EPHA3: variants seen among roughly 807,000 people sequenced by gnomAD.
The protein encoded by EPHA3 is ephrin type-A receptor 3.
A neutral mutation model predicts 107.1 loss-of-function variants in EPHA3; 42 were observed. The ratio of observed to expected loss-of-function variants is 0.39; its 90% CI spans 0.31 to 0.51. The LOEUF is 0.51. Ranked by LOEUF, EPHA3 falls within the 20% of genes least tolerant of loss-of-function variation. The pLI, the probability that EPHA3 is intolerant of heterozygous loss-of-function variation, is 0.78. For synonymous variants in EPHA3, 461 were observed against 424.8 expected (o/e 1.09, Z -1.05); for missense variants, 1,183 against 1,211.2 (o/e 0.98, Z 0.35).
chr3:89,382,953 C>T (rs1440850037), intron 5 of EPHA3, among the ~76,000 whole-genome samples: 1 of 152,030 alleles, frequency 6.6e-6, no homozygotes, highest in African/African-American at 2.4e-5. Flanking sequence ...ATCAGGAATA[C>T]AAAAAGAAGA....
intron 2 of EPHA3, among the ~76,000 whole-genome samples, chr3:89,144,007 T>C (rs1345822573): frequency 6.6e-6 from 1 of 151,618 alleles, no homozygotes; most frequent in African/African-American, 2.4e-5. Context: ...CCCCCACAGT[T>C]TCCTCCATAA....
intron 3 of EPHA3, among the ~76,000 whole-genome samples, chr3:89,330,237 T>TA (rs1707256192): frequency 6.6e-6 from 1 of 151,900 alleles, no homozygotes; most frequent in South Asian, 2.1e-4. Flanking sequence ...TAAAAATAAA[T>TA]AAAAAACAGA....
At chr3:89,171,642 G>A (rs775566397) in intron 2 of EPHA3, among the ~76,000 whole-genome samples, 3 of 152,082 alleles carry the variant, frequency 2.0e-5, no homozygotes, top group Non-Finnish European at 2.9e-5. Flanking sequence ...TTGCTTTAGG[G>A]TACAACTTCA....
At chr3:89,188,269 C>A (rs1241825103) in intron 2 of EPHA3, among the ~76,000 whole-genome samples, 1 of 152,140 alleles carries the variant, frequency 6.6e-6, no homozygotes, top group Non-Finnish European at 1.5e-5. Flanking sequence ...CTATCATAGG[C>A]ACGTGAATGA....
intron 2 of EPHA3, among the ~76,000 whole-genome samples, chr3:89,132,491 T>A (rs1306922576): frequency 6.6e-6 from 1 of 152,168 alleles, no homozygotes; most frequent in African/African-American, 2.4e-5. Context: ...AATAGAGTAG[T>A]AAAACAGGTT....
intron 15 of EPHA3, among the ~76,000 whole-genome samples, chr3:89,451,094 G>C (rs2107556329): frequency 6.6e-6 from 1 of 152,212 alleles, no homozygotes; most frequent in South Asian, 2.1e-4. Flanking sequence ...CAATTACTTT[G>C]CTAGACACCA....
At chr3:89,301,677 A>T (rs1392752182) in intron 3 of EPHA3, among the ~76,000 whole-genome samples, 1 of 152,164 alleles carries the variant, frequency 6.6e-6, no homozygotes, top group African/African-American at 2.4e-5. Flanking sequence ...AGAGTTAAGC[A>T]TACAATATCA....
intron 13 of EPHA3, among the ~76,000 whole-genome samples, chr3:89,444,795 A>G (rs931971271): frequency 6.6e-6 from 1 of 152,138 alleles, no homozygotes; most frequent in African/African-American, 2.4e-5. Context: ...TCAATGATGG[A>G]TGGCATCATT....
chr3:89,190,565 G>A (rs866050429), intron 2 of EPHA3, among the ~76,000 whole-genome samples: 1 of 152,020 alleles, frequency 6.6e-6, no homozygotes, highest in South Asian at 2.1e-4. Context: ...CAGGCTGGAA[G>A]TGTGAAATCA....
At chr3:89,353,491 T>C (rs1707877248) in intron 5 of EPHA3, among the ~76,000 whole-genome samples, 1 of 151,356 alleles carries the variant, frequency 6.6e-6, no homozygotes, top group Non-Finnish European at 1.5e-5. Context: ...CGTCTGAATT[T>C]GGCCCTGAGA....
intron 3 of EPHA3, among the ~76,000 whole-genome samples, chr3:89,242,299 G>GAA (rs1704915486): frequency 6.6e-6 from 1 of 152,186 alleles, no homozygotes; most frequent in South Asian, 2.1e-4. Flanking sequence ...ATCATGTCTT[G>GAA]GGAGATACAC....
At chr3:89,381,278 C>G (rs997546165) in intron 5 of EPHA3, among the ~76,000 whole-genome samples, 1 of 151,942 alleles carries the variant, frequency 6.6e-6, no homozygotes, top group Admixed American at 6.6e-5. Context: ...GGCCTATAGG[C>G]TGGTTTTAAA....
intron 3 of EPHA3, among the ~76,000 whole-genome samples, chr3:89,339,741 G>A (rs1707475081): frequency 1.3e-5 from 2 of 152,232 alleles, no homozygotes; most frequent in African/African-American, 2.4e-5. Flanking sequence ...TTCACAATAT[G>A]AAGTTAATAT....
At chr3:89,474,146 C>G (rs1252000594) in intron 16 of EPHA3, among the ~76,000 whole-genome samples, 2 of 151,842 alleles carry the variant, frequency 1.3e-5, no homozygotes, top group Non-Finnish European at 2.9e-5. Context: ...TATAAGTGCC[C>G]AACAAACAAA....
intron 5 of EPHA3, among the ~76,000 whole-genome samples, chr3:89,371,992 A>G (rs1708314687): frequency 1.3e-5 from 2 of 151,026 alleles, no homozygotes; most frequent in Admixed American, 6.6e-5. Context: ...GTTATCTAAA[A>G]GCTTTCTTCA....
At chr3:89,409,499 G>A (rs989725507) in intron 9 of EPHA3, among the ~76,000 whole-genome samples, 4 of 151,790 alleles carry the variant, frequency 2.6e-5, no homozygotes, top group Admixed American at 2.0e-4. Context: ...GTAAATTTCT[G>A]TGTGCCAATT....
At chr3:89,433,938 G>A (rs1393717533) in intron 13 of EPHA3, among the ~76,000 whole-genome samples, 1 of 152,092 alleles carries the variant, frequency 6.6e-6, no homozygotes, top group Non-Finnish European at 1.5e-5. Context: ...TATGCAGCAA[G>A]TGATACTTAA....
chr3:89,186,600 C>T (rs1202872752), intron 2 of EPHA3, among the ~76,000 whole-genome samples: 2 of 151,922 alleles, frequency 1.3e-5, no homozygotes, highest in Non-Finnish European at 2.9e-5. Flanking sequence ...TTTATTAGCC[C>T]TAAATATTAA....
intron 15 of EPHA3, among the ~76,000 whole-genome samples, chr3:89,468,855 G>C (rs1710342283): frequency 6.6e-6 from 1 of 152,006 alleles, no homozygotes; most frequent in Non-Finnish European, 1.5e-5. Flanking sequence ...GTGTATATCT[G>C]TAATTACTCA....
Sources: allele counts gnomAD v4.1 joint callset (sites outside exome capture counted in the v4.1 genomes callset), GRCh38; gene constraint gnomAD v4.1.1; transcripts MANE v1.5; gene names NCBI Gene and HGNC (gene_info 2026-07-23, HGNC 2026-07-21).